Variants in MYOZ2 observed in about 807,000 individuals in gnomAD.
MYOZ2 encodes myozenin-2.
In MYOZ2, 19 loss-of-function variants were observed where a neutral mutation model predicts 25.4. That is an observed-to-expected ratio of 0.75 (90% CI 0.52 to 1.10). The LOEUF (loss-of-function observed/expected upper bound fraction) is 1.10, where lower values mean the gene tolerates loss of function less well. MYOZ2 is among the 50% of genes least tolerant of loss of function. The probability of loss-of-function intolerance (pLI) is 0.00; values close to 1 mark genes in which losing one functional copy is unlikely to be tolerated. For synonymous variants in MYOZ2, 92 were observed against 106.9 expected, an observed-to-expected ratio of 0.86 and a Z score of 0.86; for missense variants, 270 against 317.9, an observed-to-expected ratio of 0.85 and a Z score of 1.15.
intron 5 of MYOZ2, among the ~76,000 whole-genome samples, chr4:119,180,326 T>C (rs548915301): frequency 3.9e-5 from 6 of 152,346 alleles, no homozygotes; most frequent in Non-Finnish European, 7.3e-5. Context: ...ATATGAATGA[T>C]ATACCTAATA....
intron 5 of MYOZ2, among the ~76,000 whole-genome samples, chr4:119,171,783 A>T (rs1443991507): frequency 6.7e-6 from 1 of 149,120 alleles, no homozygotes; most frequent in Non-Finnish European, 1.5e-5. Context: ...TTATTCTGAT[A>T]TATCTATTTT....
At chr4:119,184,786 G>GA (rs1380487378) in intron 5 of MYOZ2, among the ~76,000 whole-genome samples, 2 of 152,188 alleles carry the variant, frequency 1.3e-5, no homozygotes, top group Non-Finnish European at 2.9e-5. Flanking sequence ...AAGACAAGTG[G>GA]AAGAATGCTA....
chr4:119,153,948 C>T (rs1741513149), intron 3 of MYOZ2, among the ~76,000 whole-genome samples: 2 of 151,894 alleles, frequency 1.3e-5, no homozygotes. Flanking sequence ...AAATAGGCCA[C>T]CAAAAATAAA....
At chr4:119,180,729 T>C (rs1742171436) in intron 5 of MYOZ2, among the ~76,000 whole-genome samples, 1 of 151,990 alleles carries the variant, frequency 6.6e-6, no homozygotes, top group Admixed American at 6.6e-5. Context: ...AATTTTTGTA[T>C]TTTTTTAGTA....
At chr4:119,177,502 T>C (rs1742101971) in intron 5 of MYOZ2, among the ~76,000 whole-genome samples, 1 of 152,180 alleles carries the variant, frequency 6.6e-6, no homozygotes, top group African/African-American at 2.4e-5. Flanking sequence ...ATTCACACTT[T>C]CTTCTCAACA....
At chr4:119,144,461 C>T (rs62326301) in intron 2 of MYOZ2, among the ~76,000 whole-genome samples, 34,657 of 152,158 alleles carry the variant, frequency 0.23, 4,602 homozygotes, top group South Asian at 0.35. Flanking sequence ...TTTCATTTCA[C>T]TGGGATAAAT....
At chr4:119,170,343 T>A (rs1253037992) in intron 5 of MYOZ2, among the ~76,000 whole-genome samples, 2 of 151,642 alleles carry the variant, frequency 1.3e-5, no homozygotes, top group Non-Finnish European at 2.9e-5. Flanking sequence ...CTAAAAAAAA[T>A]TTTCATAAGT....
intron 4 of MYOZ2, among the ~76,000 whole-genome samples, chr4:119,159,429 T>C (rs1193706747): frequency 6.6e-6 from 1 of 152,176 alleles, no homozygotes; most frequent in Non-Finnish European, 1.5e-5. Flanking sequence ...TTTATCATTT[T>C]AAAAGAGAAT....
At chr4:119,145,659 G>A (rs188729312) in intron 2 of MYOZ2, among the ~76,000 whole-genome samples, 159 of 152,152 alleles carry the variant, frequency 1.0e-3, no homozygotes, top group Admixed American at 0.01. Context: ...ACAGGCGTGA[G>A]CCATCCCACC....
chr4:119,183,929 C>T lies in MYOZ2; in HGVS notation c.561-2037C>T, dbSNP rs574683608. Among the ~76,000 whole-genome samples, 624 of 152,078 alleles carry T rather than the reference C, an allele frequency of 4.1e-3. 3 individuals are homozygous for T. Among genetic ancestry groups the T allele is most frequent in the Non-Finnish European group, 7.3e-3 (493 of 67,992 alleles). On this transcript the variant is annotated intron_variant, in intron 5 of 5. Transcript: ENST00000307128. ...TCCTGGGTTCAAGGGATTCTCCTGC[C>T]TCAGCCTCCTGAGTAGCTGGGATTA... is the stretch of plus-strand genomic sequence containing the variant.
intron 2 of MYOZ2, among the ~76,000 whole-genome samples, chr4:119,148,769 CAAAAAA>C (rs372182068): frequency 2.6e-5 from 2 of 77,400 alleles, no homozygotes; most frequent in Non-Finnish European, 4.9e-5. Flanking sequence ...GAGTCATTGG[CAAAAAA>C]AAAAAAAACC....
intron 5 of MYOZ2, among the ~76,000 whole-genome samples, chr4:119,173,866 GC>G (rs1442793586): frequency 6.6e-6 from 1 of 152,196 alleles, no homozygotes; most frequent in Non-Finnish European, 1.5e-5. Context: ...GGCTTGGCGG[GC>G]CCCGCACTCG....
chr4:119,167,734 C>T (rs1157748106), intron 5 of MYOZ2, among the ~76,000 whole-genome samples: 2 of 152,186 alleles, frequency 1.3e-5, no homozygotes, highest in Admixed American at 1.3e-4. Flanking sequence ...GCTCATTTAC[C>T]ATTCTGAGAA....
At chr4:119,147,096 T>C (rs576995701) in intron 2 of MYOZ2, among the ~76,000 whole-genome samples, 1 of 152,346 alleles carries the variant, frequency 6.6e-6, no homozygotes, top group South Asian at 2.1e-4. Flanking sequence ...AATGTTATCA[T>C]AGGCAGTGAG....
intron 5 of MYOZ2, among the ~76,000 whole-genome samples, chr4:119,184,940 A>C (rs141349060): frequency 1.1e-3 from 175 of 152,346 alleles, no homozygotes; most frequent in African/African-American, 4.0e-3. Flanking sequence ...CAAATGACTG[A>C]CATAGAACAA....
intron 5 of MYOZ2, among the ~76,000 whole-genome samples, chr4:119,177,069 AC>A (rs1395947930): frequency 2.7e-5 from 4 of 150,718 alleles, no homozygotes. Context: ...CTCAAAAAAA[AC>A]AAAGTTTATT....
At chr4:119,142,427 A>G (rs1741177293) in intron 2 of MYOZ2, among the ~76,000 whole-genome samples, 1 of 152,220 alleles carries the variant, frequency 6.6e-6, no homozygotes. Flanking sequence ...AGACACACTA[A>G]AAAATAAACT....
chr4:119,167,386 G>A (rs575798851), intron 5 of MYOZ2, among the ~76,000 whole-genome samples: 2 of 152,322 alleles, frequency 1.3e-5, no homozygotes, highest in South Asian at 4.1e-4. Context: ...CAAGGGAGTT[G>A]CAGAAGAAAA....
intron 5 of MYOZ2, among the ~76,000 whole-genome samples, chr4:119,167,440 C>T (rs532884281): frequency 8.5e-5 from 13 of 152,250 alleles, no homozygotes; most frequent in South Asian, 2.1e-4. Flanking sequence ...TGAGGAAAGA[C>T]GCCATCTTCT....
Sources: gnomAD v4.1 joint callset for allele counts (sites outside exome capture counted in the v4.1 genomes callset) on GRCh38, gnomAD v4.1.1 for gene constraint, MANE v1.5 for transcripts, NCBI Gene and HGNC (gene_info 2026-07-23, HGNC 2026-07-21) for gene names.